Variants in XYLT1 observed in about 807,000 individuals in gnomAD.
The protein encoded by XYLT1 is xylosyltransferase 1, also known as beta-D-xylosyltransferase 1.
A neutral mutation model predicts 91.3 loss-of-function variants in XYLT1; 36 were observed. The observed-to-expected ratio is 0.39, with a 90% confidence interval of 0.30 to 0.52. XYLT1 has a LOEUF of 0.52. XYLT1 is among the 20% of genes least tolerant of loss of function. XYLT1 has a pLI of 0.68. For synonymous variants in XYLT1, 588 were observed against 532.0 expected (o/e 1.11, Z -1.45); for missense variants, 1,242 against 1,284.5 (o/e 0.97, Z 0.51).
intron 1 of XYLT1, among the ~76,000 whole-genome samples, chr16:17,382,816 G>A (rs1175699019): frequency 6.6e-6 from 1 of 151,846 alleles, no homozygotes; most frequent in African/African-American, 2.4e-5. Flanking sequence ...AGACACTTTA[G>A]TGCATTACTT....
chr16:17,397,858 T>C (rs931917091), intron 1 of XYLT1, among the ~76,000 whole-genome samples: 2 of 144,938 alleles, frequency 1.4e-5, no homozygotes, highest in African/African-American at 2.6e-5. Context: ...TGAGACAGTG[T>C]ATTGCCCAGG....
rs545212488 is a variant in XYLT1 at position 17,346,671 on chromosome 16, C to A, written c.402+11341G>T. On this transcript the variant is annotated intron_variant, in intron 2 of 11. Transcript: ENST00000261381. ...GGGCCATGAAATGAGAAAGTCACCT[C>A]CTGCTCCCATAACTGGTGCCTGATT... Among the ~76,000 whole-genome samples the A allele has an allele frequency of 2.6e-5, 4 of 152,318 alleles. No individual in the cohort carries two copies. The East Asian group carries it at 7.7e-4, about 29-fold the overall frequency.
intron 5 of XYLT1, among the ~76,000 whole-genome samples, chr16:17,190,896 A>G (rs1323206669): frequency 6.6e-6 from 1 of 152,228 alleles, no homozygotes; most frequent in Non-Finnish European, 1.5e-5. Flanking sequence ...TACTGGCTGT[A>G]GCCTTGGGGT....
intron 8 of XYLT1, 62 bp from the exon 9 acceptor site, chr16:17,134,797 C>G (rs1407210765): frequency 1.3e-6 from 2 of 1,587,064 alleles, no homozygotes; most frequent in Non-Finnish European, 1.7e-6. Flanking sequence ...TTGGGGGGAA[C>G]CTAAGGGCAT....
intron 3 of XYLT1, among the ~76,000 whole-genome samples, chr16:17,222,789 CAAAAAA>C (rs11358476): frequency 2.8e-5 from 2 of 71,212 alleles, no homozygotes; most frequent in East Asian, 4.6e-4. Context: ...AACTCTGTCT[CAAAAAA>C]AAAAAAAAAA....
intron 9 of XYLT1, among the ~76,000 whole-genome samples, chr16:17,132,951 C>G (rs1247371856): frequency 1.3e-5 from 2 of 152,182 alleles, no homozygotes; most frequent in Non-Finnish European, 2.9e-5. Context: ...ATCTCCTTTA[C>G]ACTTCACAAC....
intron 5 of XYLT1, among the ~76,000 whole-genome samples, chr16:17,174,461 C>T (rs1036665567): frequency 6.6e-6 from 1 of 152,216 alleles, no homozygotes; most frequent in African/African-American, 2.4e-5. Context: ...AGTACTGATA[C>T]AAGCTACAAT....
At chr16:17,164,794 G>T (rs8045223) in intron 5 of XYLT1, among the ~76,000 whole-genome samples, 5,834 of 152,184 alleles carry the variant, frequency 0.038, 393 homozygotes, top group African/African-American at 0.13. Context: ...TAACGACCAC[G>T]TGTCTGTATA....
chr16:17,188,136 T>C (rs2032228293), intron 5 of XYLT1, among the ~76,000 whole-genome samples: 1 of 151,492 alleles, frequency 6.6e-6, no homozygotes, highest in Non-Finnish European at 1.5e-5. Flanking sequence ...CACCTGCTTC[T>C]GCCTGGAGGT....
At chr16:17,298,019 CAAA>C (rs60593780) in intron 2 of XYLT1, among the ~76,000 whole-genome samples, 1 of 105,630 alleles carries the variant, frequency 9.5e-6, no homozygotes. Flanking sequence ...GACTCCGTCT[CAAA>C]AAAAAAAAAA....
At chr16:17,428,713 C>A (rs1453390575) in intron 1 of XYLT1, among the ~76,000 whole-genome samples, 1 of 152,188 alleles carries the variant, frequency 6.6e-6, no homozygotes, top group Non-Finnish European at 1.5e-5. Context: ...GGGAAGCTTT[C>A]GGCCGTGTGG....
rs1164558348 is a variant in XYLT1 at position 17,379,755 on chromosome 16, T to TCACACA, written c.364-21706_364-21705insTGTGTG. Among the ~76,000 whole-genome samples the TCACACA allele has an allele frequency of 6.1e-4, 79 of 130,404 alleles. 1 individual carries two copies. The highest frequency in any genetic ancestry group is 6.9e-4 in the Non-Finnish European group (43 of 61,892). 85.6% of individuals were successfully genotyped at this position (130,404 alleles called of 152,430 possible). A position where few individuals can be genotyped will look rare whatever the true frequency, so the allele number is the denominator to read the frequency against. The stretch of plus-strand genomic sequence containing the variant: ...CTCTCTCTCTCTCTCTCTCTCTCTC[T>TCACACA]CTCTCTCTCACACACACACACACAC... On this transcript the variant is annotated intron_variant, in intron 1 of 11. Transcript: ENST00000261381.
chr16:17,344,678 G>T (rs1340554437), intron 2 of XYLT1, among the ~76,000 whole-genome samples: 1 of 151,852 alleles, frequency 6.6e-6, no homozygotes, highest in African/African-American at 2.4e-5. Flanking sequence ...GGGCTTTTGA[G>T]ATGTGTCTTC....
rs140877604 is a variant in XYLT1 at position 17,412,293 on chromosome 16, T to TG, written c.364-54244dup. Among the ~76,000 whole-genome samples, 1,317 of 151,982 alleles carry TG rather than the reference T, an allele frequency of 8.7e-3. 21 individuals are homozygous for TG. The highest frequency in any genetic ancestry group is 0.017 in the East Asian group (88 of 5,136). On this transcript the variant is annotated intron_variant, in intron 1 of 11. Coordinates refer to ENST00000261381, the MANE Select transcript of XYLT1 (RefSeq NM_022166.4). Reference sequence around the variant, plus strand: ...CGAGAAACTAGGTGAATAGCACTCCTGGGGGTGCAGAGGTATACAGGGCAG... The same window carrying TG: ...CGAGAAACTAGGTGAATAGCACTCCTGGGGGGTGCAGAGGTATACAGGGCAG...
chr16:17,182,881 G>T (rs78266572), intron 5 of XYLT1, among the ~76,000 whole-genome samples: 1 of 152,142 alleles, frequency 6.6e-6, no homozygotes, highest in Non-Finnish European at 1.5e-5. Context: ...TCTTGCTAAC[G>T]CAGGACAGAT....
intron 1 of XYLT1, among the ~76,000 whole-genome samples, chr16:17,398,767 C>T (rs1457394915): frequency 1.3e-5 from 2 of 150,330 alleles, no homozygotes; most frequent in Admixed American, 6.7e-5. Flanking sequence ...TCTCTGCCTT[C>T]GCCTTCACAA....
At chr16:17,346,015 TG>T (rs1208157258) in intron 2 of XYLT1, among the ~76,000 whole-genome samples, 1 of 152,192 alleles carries the variant, frequency 6.6e-6, no homozygotes, top group Non-Finnish European at 1.5e-5. Context: ...CTCGCCATGT[TG>T]GTCAGGCTGG....
chr16:17,141,387 G>A lies in XYLT1; in HGVS notation c.1371-18C>T. The stretch of plus-strand genomic sequence containing the variant: ...GAATGAACCTGGGAGGGAGAAAGCT[G>A]CCCTTAGCCCAGAGGTGTCCTGAAA... On this transcript the variant is annotated intron_variant, in intron 6 of 11. Transcript: ENST00000261381. 6 of 1,611,646 alleles carry A rather than the reference G, an allele frequency of 3.7e-6. No individual in the cohort carries two copies. Among genetic ancestry groups the A allele is most frequent in the Non-Finnish European group, 4.2e-6 (5 of 1,178,456 alleles).
intron 3 of XYLT1, among the ~76,000 whole-genome samples, chr16:17,207,483 C>T (rs1028031202): frequency 4.6e-5 from 7 of 152,086 alleles, no homozygotes; most frequent in African/African-American, 1.7e-4. Context: ...GGAGAGGCCT[C>T]AATGAATGAT....
Sources: gnomAD v4.1 joint callset for allele counts (sites outside exome capture counted in the v4.1 genomes callset) on GRCh38, gnomAD v4.1.1 for gene constraint, MANE v1.5 for transcripts, NCBI Gene and HGNC (gene_info 2026-07-23, HGNC 2026-07-21) for gene names.